The following EDIL3 variants were observed in gnomAD, a reference collection of about 807,000 sequenced individuals.
EDIL3 encodes EGF-like repeat and discoidin I-like domain-containing protein 3.
A neutral mutation model predicts 67.4 loss-of-function variants in EDIL3; 37 were observed. The ratio of observed to expected loss-of-function variants is 0.55; its 90% CI spans 0.42 to 0.72. The LOEUF (loss-of-function observed/expected upper bound fraction) is 0.72. EDIL3 is among the 30% of genes least tolerant of loss of function. EDIL3 has a pLI of 0.00. For synonymous variants in EDIL3, 195 were observed against 196.3 expected (o/e 0.99, Z 0.05); for missense variants, 527 against 586.3 (o/e 0.90, Z 1.04).
At chr5:84,029,533 T>C (rs1745879536) in intron 9 of EDIL3, among the ~76,000 whole-genome samples, 1 of 152,144 alleles carries the variant, frequency 6.6e-6, no homozygotes, top group Non-Finnish European at 1.5e-5. Context: ...ATATTTACCT[T>C]TCATGAAAAA....
At chr5:84,076,869 G>T (rs551542856) in intron 6 of EDIL3, among the ~76,000 whole-genome samples, 3 of 152,218 alleles carry the variant, frequency 2.0e-5, no homozygotes, top group African/African-American at 7.2e-5. Context: ...AAAAAAGTAG[G>T]GGAAAGGAGT....
At chr5:84,167,618 T>G (rs1748732613) in intron 4 of EDIL3, among the ~76,000 whole-genome samples, 1 of 152,138 alleles carries the variant, frequency 6.6e-6, no homozygotes, top group African/African-American at 2.4e-5. Context: ...AGAATGATAG[T>G]TTATCAGCAT....
intron 10 of EDIL3, among the ~76,000 whole-genome samples, chr5:83,954,369 G>A (rs1439233558): frequency 2.0e-5 from 3 of 151,702 alleles, no homozygotes; most frequent in Non-Finnish European, 4.4e-5. Flanking sequence ...GGGAGGTGCT[G>A]GGTCATGGGG....
In EDIL3 at chr5:84,208,539, C is replaced by T. The variant is rs1231117959; in HGVS notation, c.226+21316G>A. On this transcript the variant is annotated intron_variant, in intron 3 of 10. Transcript: ENST00000296591. ...CCAAAAATACAAAAAATTAGCCGGG[C>T]GCGGTGGTGGGCGCCTGTAGTCCCA... Among the ~76,000 whole-genome samples the T allele has an allele frequency of 2.8e-4, 43 of 151,238 alleles. 1 individual carries two copies. Among genetic ancestry groups the T allele is most frequent in the Middle Eastern group, 3.4e-3 (1 of 290 alleles).
intron 9 of EDIL3, among the ~76,000 whole-genome samples, chr5:84,042,560 G>C (rs1439728647): frequency 6.6e-6 from 1 of 152,090 alleles, no homozygotes; most frequent in Non-Finnish European, 1.5e-5. Flanking sequence ...CGGATTACAG[G>C]CATGAGCCAC....
rs769017038 is a variant in EDIL3 at position 84,064,713 on chromosome 5, G to A, written c.939C>T (p.Gly313=). 6 of 1,612,588 alleles carry A rather than the reference G, an allele frequency of 3.7e-6. No individual in the cohort carries two copies. In the African/African-American group the frequency reaches 6.7e-5, roughly 18 times the overall value. The change falls in exon 8 of 11, where the codon GGC becomes GGT. Residue 313 remains glycine, a synonymous_variant. Transcript: ENST00000296591. ...TTTGAGACTTACCCGACAGTTCACA[G>A]CCAAGAAGTTCCATTCGCAAAGTGC... The part of the protein sequence containing the change: ...RHCTLRMELL[G]CELSGCSEPL...
At chr5:84,232,298 G>A (rs1744596355) in intron 2 of EDIL3, among the ~76,000 whole-genome samples, 1 of 152,126 alleles carries the variant, frequency 6.6e-6, no homozygotes, top group African/African-American at 2.4e-5. Flanking sequence ...TTCAAGAAAT[G>A]GAGTTCTTTG....
intron 1 of EDIL3, among the ~76,000 whole-genome samples, chr5:84,370,671 C>T (rs1747823955): frequency 6.6e-6 from 1 of 152,106 alleles, no homozygotes; most frequent in Non-Finnish European, 1.5e-5. Context: ...CCTGAATCTT[C>T]CTTTTAAACT....
At chr5:84,260,529 T>G (rs1561238109) in intron 1 of EDIL3, among the ~76,000 whole-genome samples, 1 of 152,262 alleles carries the variant, frequency 6.6e-6, no homozygotes, top group Non-Finnish European at 1.5e-5. Context: ...AAGCTTACTC[T>G]TTATATGCAG....
At chr5:84,150,319 T>A (rs74544470) in intron 4 of EDIL3, among the ~76,000 whole-genome samples, 2,539 of 152,208 alleles carry the variant, frequency 0.017, 74 homozygotes, top group African/African-American at 0.058. Context: ...AAACTCCTGC[T>A]CCCCAATGTC....
At chr5:84,070,463 A>G (rs1200957376) in intron 6 of EDIL3, among the ~76,000 whole-genome samples, 1 of 152,218 alleles carries the variant, frequency 6.6e-6, no homozygotes, top group East Asian at 1.9e-4. Flanking sequence ...GAGACACTGA[A>G]GAAGGGAGCC....
intron 1 of EDIL3, among the ~76,000 whole-genome samples, chr5:84,254,858 C>A (rs902944349): frequency 6.6e-6 from 1 of 152,254 alleles, no homozygotes; most frequent in East Asian, 1.9e-4. Flanking sequence ...CCCCACAATA[C>A]GTGGCCTTGG....
At chr5:83,996,859 T>A (rs1301096385) in intron 9 of EDIL3, among the ~76,000 whole-genome samples, 1 of 152,188 alleles carries the variant, frequency 6.6e-6, no homozygotes, top group African/African-American at 2.4e-5. Context: ...ATACAGAATA[T>A]TATGCCCAGC....
At chr5:84,236,883 C>G (rs1744693516) in intron 2 of EDIL3, among the ~76,000 whole-genome samples, 1 of 150,782 alleles carries the variant, frequency 6.6e-6, no homozygotes, top group Non-Finnish European at 1.5e-5. Flanking sequence ...TAAAGCAGAT[C>G]AAAAGTTAAT....
chr5:84,327,322 T>TA (rs927932969), intron 1 of EDIL3, among the ~76,000 whole-genome samples: 3 of 151,480 alleles, frequency 2.0e-5, no homozygotes, highest in African/African-American at 4.8e-5. Context: ...ACCATTCTTT[T>TA]AAAAAAAAAT....
At chr5:84,217,747 CACACACACACACACACAT>C (rs1206158216) in intron 3 of EDIL3, among the ~76,000 whole-genome samples, 154 of 151,630 alleles carry the variant, frequency 1.0e-3, no homozygotes, top group African/African-American at 3.7e-3. Flanking sequence ...CACACACACA[CACACACACACACACACAT>C]CCTTCTGGTT....
intron 9 of EDIL3, among the ~76,000 whole-genome samples, chr5:84,056,060 C>G (rs142533789): frequency 0.021 from 3,243 of 152,246 alleles, 55 homozygotes; most frequent in Middle Eastern, 0.048. Flanking sequence ...GGAACCAACC[C>G]AAATGTCCAA....
chr5:84,039,976 T>G (rs1189318959), intron 9 of EDIL3, among the ~76,000 whole-genome samples: 1 of 152,180 alleles, frequency 6.6e-6, no homozygotes, highest in Non-Finnish European at 1.5e-5. Context: ...GCTAACATTT[T>G]CATATCAGTT....
At chr5:84,170,010 G>T (rs547078515) in intron 4 of EDIL3, among the ~76,000 whole-genome samples, 1 of 152,248 alleles carries the variant, frequency 6.6e-6, no homozygotes, top group South Asian at 2.1e-4. Flanking sequence ...GGTTATTTTG[G>T]TTCAGTGCTA....
Sources: gnomAD v4.1 joint callset for allele counts (sites outside exome capture counted in the v4.1 genomes callset) on GRCh38, gnomAD v4.1.1 for gene constraint, MANE v1.5 for transcripts, NCBI Gene and HGNC (gene_info 2026-07-23, HGNC 2026-07-21) for gene names.